The following FRMPD4 variants were observed in gnomAD, a reference collection of about 807,000 sequenced individuals.
The protein encoded by FRMPD4 is FERM and PDZ domain-containing protein 4.
In FRMPD4, 22 loss-of-function variants were observed where a neutral mutation model predicts 94.1. That is an observed-to-expected ratio of 0.23 (90% CI 0.17 to 0.33). The LOEUF (loss-of-function observed/expected upper bound fraction) is 0.33. Among genes scored for constraint, FRMPD4 ranks in the 10% least tolerant of loss-of-function variants. The pLI is 1.00. For synonymous variants in FRMPD4, 631 were observed against 548.6 expected (o/e 1.15, Z -2.10); for missense variants, 1,111 against 1,339.9 (o/e 0.83, Z 2.67).
intron 1 of FRMPD4, among the ~76,000 whole-genome samples, chrX:12,196,630 T>C (rs62591583): frequency 0.032 from 3,463 of 106,588 alleles, 69 homozygotes; most frequent in Non-Finnish European, 0.05. Flanking sequence ...AAAGAAAGTT[T>C]ATATATATAT....
intron 3 of FRMPD4, among the ~76,000 whole-genome samples, chrX:12,060,790 G>A (rs763523879): frequency 9.0e-6 from 1 of 111,555 alleles, no homozygotes; most frequent in East Asian, 2.8e-4. Flanking sequence ...TATTCTTTGT[G>A]TTTACATGTA....
At chrX:12,104,784 T>C (rs893108705) in intron 3 of FRMPD4, among the ~76,000 whole-genome samples, 1 of 112,012 alleles carries the variant, frequency 8.9e-6, no homozygotes, top group Non-Finnish European at 1.9e-5. Flanking sequence ...GATGTAACTG[T>C]TCTCATTTTA....
At chrX:12,602,540 T>G (rs1182087819) in intron 2 of FRMPD4, among the ~76,000 whole-genome samples, 1 of 112,074 alleles carries the variant, frequency 8.9e-6, no homozygotes, top group Non-Finnish European at 1.9e-5. Context: ...GAGAAAATCC[T>G]TTTGACATGT....
rs1183338012 is a variant in FRMPD4, at chrX:12,473,459, T to G, written c.42-25221T>G. ...ATAATGACATGATCAAATTCACACA[T>G]AACAATATTAACCTTAAATGTAAAT... On this transcript the variant is annotated intron_variant, in intron 1 of 16. Coordinates refer to ENST00000675598, the MANE Select transcript of FRMPD4 (RefSeq NM_001368397.1). Among the ~76,000 whole-genome samples the G allele has an allele frequency of 6.4e-5, 7 of 109,758 alleles. No individual in the cohort carries two copies. The Admixed American group carries it at 6.7e-4, about 10-fold the overall frequency.
chrX:11,852,637 A>C (rs1279185027), intron 1 of FRMPD4, among the ~76,000 whole-genome samples: 1 of 110,887 alleles, frequency 9.0e-6, no homozygotes, highest in African/African-American at 3.3e-5. Flanking sequence ...ACTTTAAACC[A>C]ACAAAGATCC....
intron 3 of FRMPD4, among the ~76,000 whole-genome samples, chrX:11,934,607 G>C (rs1465360738): frequency 1.8e-5 from 2 of 112,268 alleles, no homozygotes; most frequent in Non-Finnish European, 3.8e-5. Flanking sequence ...AGTATTTTGA[G>C]ATGATAACTT....
In FRMPD4 at chrX:12,704,455, A is replaced by T; in HGVS notation, c.1167A>T (p.Ala389=). The change falls in exon 11 of 17, where the codon GCA becomes GCT. Residue 389 remains alanine, a synonymous_variant. Transcript: ENST00000675598. The part of the protein sequence containing the change: ...IKKALSHLVK[A]NQNLVPPGKK... ...AAGCACTTTCACACCTTGTCAAAGCAAATCAAAACTTGGTACCACCGGGTA... is the reference window on the plus strand; with the variant it reads ...AAGCACTTTCACACCTTGTCAAAGCTAATCAAAACTTGGTACCACCGGGTA... 8.4e-7 allele frequency: 1 copy of T among 1,188,687 alleles called. No individual in the cohort carries two copies. Among genetic ancestry groups the T allele is most frequent in the African/African-American group, 1.7e-5 (1 of 57,293 alleles).
At chrX:12,355,744 T>C (rs1476672625) in intron 1 of FRMPD4, among the ~76,000 whole-genome samples, 1 of 111,908 alleles carries the variant, frequency 8.9e-6, no homozygotes, top group Non-Finnish European at 1.9e-5. Context: ...AATTTGCAAC[T>C]TTCATATTAC....
intron 1 of FRMPD4, among the ~76,000 whole-genome samples, chrX:12,284,834 A>G (rs2054577400): frequency 8.9e-6 from 1 of 111,993 alleles, no homozygotes; most frequent in Non-Finnish European, 1.9e-5. Context: ...CTGTTTTCTA[A>G]TTCTGCCTCT....
At chrX:12,313,687 T>C (rs2055069750) in intron 1 of FRMPD4, among the ~76,000 whole-genome samples, 1 of 112,201 alleles carries the variant, frequency 8.9e-6, no homozygotes, top group South Asian at 3.7e-4. Flanking sequence ...AGGGTAAGTC[T>C]TTGTGAGGTT....
intron 1 of FRMPD4, among the ~76,000 whole-genome samples, chrX:12,421,554 T>C: frequency 9.1e-6 from 1 of 109,991 alleles, no homozygotes; most frequent in Non-Finnish European, 1.9e-5. Context: ...GTCCAGGAGT[T>C]TGAGACCAGA....
intron 2 of FRMPD4, among the ~76,000 whole-genome samples, chrX:12,513,748 G>T (rs1430942191): frequency 8.9e-6 from 1 of 111,901 alleles, no homozygotes; most frequent in Non-Finnish European, 1.9e-5. Flanking sequence ...TGCTAATTCT[G>T]TGAAGAATGT....
chrX:12,241,444 G>T lies in FRMPD4; in HGVS notation c.41+102432G>T, dbSNP rs779025734. 2.6e-3 allele frequency among the ~76,000 whole-genome samples: 294 copies of T among 112,148 alleles called. 1 individual carries two copies. Among genetic ancestry groups the T allele is most frequent in the Middle Eastern group, 4.6e-3 (1 of 218 alleles). ...ATACTACTGCCAAACCCCAATATTCGAGATTTCGTGGTGAAAGCACACTTC... is the reference window on the plus strand; with the variant it reads ...ATACTACTGCCAAACCCCAATATTCTAGATTTCGTGGTGAAAGCACACTTC... On this transcript the variant is annotated intron_variant, in intron 1 of 16. Transcript: ENST00000675598.
chrX:12,381,104 G>A (rs991416725), intron 1 of FRMPD4, among the ~76,000 whole-genome samples: 6 of 111,889 alleles, frequency 5.4e-5, no homozygotes, highest in Non-Finnish European at 9.4e-5. Context: ...GTGGTTATAG[G>A]ATTCCAGTGA....
chrX:11,927,426 G>A (rs1391503785), intron 3 of FRMPD4, among the ~76,000 whole-genome samples: 1 of 111,817 alleles, frequency 8.9e-6, no homozygotes, highest in African/African-American at 3.2e-5. Context: ...CCAAAAAGGA[G>A]CCTGAATAGC....
At chrX:12,530,257 G>T (rs1410831129) in intron 2 of FRMPD4, among the ~76,000 whole-genome samples, 2 of 112,005 alleles carry the variant, frequency 1.8e-5, no homozygotes, top group Non-Finnish European at 3.8e-5. Flanking sequence ...CACATGCTAG[G>T]AATGATGGAA....
Position 12,452,485 on chromosome X carries a change from C to T in FRMPD4, c.42-46195C>T, listed in dbSNP as rs778251746. Among the ~76,000 whole-genome samples, 5 of 111,527 alleles carry T rather than the reference C, an allele frequency of 4.5e-5. No individual in the cohort carries two copies. In the East Asian group the frequency reaches 1.1e-3, roughly 25 times the overall value. ...AATCAGCAGAAAACAGCTGGTATAA[C>T]GGGCCAATGCCAATTTCCCAACATG... On this transcript the variant is annotated intron_variant, in intron 1 of 16. Coordinates refer to ENST00000675598, the MANE Select transcript of FRMPD4 (RefSeq NM_001368397.1).
At chrX:12,207,539 T>C (rs1439513924) in intron 1 of FRMPD4, among the ~76,000 whole-genome samples, 1 of 109,694 alleles carries the variant, frequency 9.1e-6, no homozygotes, top group African/African-American at 3.3e-5. Context: ...TGGAAAGTAG[T>C]AAAAGCAAGC....
At chrX:12,081,071 A>C (rs2055058035) in intron 3 of FRMPD4, among the ~76,000 whole-genome samples, 1 of 111,809 alleles carries the variant, frequency 8.9e-6, no homozygotes, top group Non-Finnish European at 1.9e-5. Flanking sequence ...TAAATCACCT[A>C]GTACAGAGCA....
Sources: gnomAD v4.1 joint callset for allele counts (sites outside exome capture counted in the v4.1 genomes callset) on GRCh38, gnomAD v4.1.1 for gene constraint, MANE v1.5 for transcripts, NCBI Gene and HGNC (gene_info 2026-07-23, HGNC 2026-07-21) for gene names.